The following CACNA1S variants were observed in gnomAD, a reference collection of about 807,000 sequenced individuals.
CACNA1S encodes the protein calcium voltage-gated channel subunit alpha1 S, also known as voltage-dependent L-type calcium channel subunit alpha-1S.
Under a neutral mutation model 207.4 loss-of-function variants are expected in CACNA1S, and 126 were observed. The observed-to-expected ratio is 0.61, with a 90% confidence interval of 0.53 to 0.70. CACNA1S has a LOEUF of 0.70. CACNA1S is among the 30% of genes least tolerant of loss of function. CACNA1S has a pLI of 0.00. For missense variants in CACNA1S, 2,349 were observed against 2,422.8 expected, an observed-to-expected ratio of 0.97 and a Z score of 0.64; for synonymous variants, 960 against 932.7, an observed-to-expected ratio of 1.03 and a Z score of -0.53.
intron 2 of CACNA1S, among the ~76,000 whole-genome samples, chr1:201,100,542 G>A (rs968933650): frequency 6.6e-6 from 1 of 152,166 alleles, no homozygotes; most frequent in East Asian, 1.9e-4. Flanking sequence ...TCTGTCTCAG[G>A]GGTCTCATTT....
intron 2 of CACNA1S, among the ~76,000 whole-genome samples, chr1:201,101,053 T>G (rs901420781): frequency 6.6e-6 from 1 of 152,066 alleles, no homozygotes; most frequent in Non-Finnish European, 1.5e-5. Flanking sequence ...TTTCTTTATT[T>G]TAATGTCCTT....
chr1:201,047,775 A>C, intron 36 of CACNA1S, 149 bp from the exon 37 acceptor site: 1 of 708,426 alleles, frequency 1.4e-6, no homozygotes, highest in South Asian at 1.5e-5. Flanking sequence ...GGGTACTGGC[A>C]ATGGTGGGAG....
intron 38 of CACNA1S, among the ~76,000 whole-genome samples, chr1:201,045,383 TA>T (rs1203631597): frequency 3.3e-5 from 5 of 152,146 alleles, no homozygotes; most frequent in African/African-American, 1.2e-4. Flanking sequence ...CCTTTTGCTA[TA>T]AAGGACATTT....
At chr1:201,111,090 G>A (rs192163097) in intron 1 of CACNA1S, among the ~76,000 whole-genome samples, 25 of 152,304 alleles carry the variant, frequency 1.6e-4, no homozygotes, top group African/African-American at 5.5e-4. Context: ...GGATGGAGGA[G>A]AGGGAGAACC....
chr1:201,054,626 G>A, intron 28 of CACNA1S, 65 bp from the exon 29 acceptor site: 2 of 1,388,578 alleles, frequency 1.4e-6, no homozygotes, highest in Admixed American at 1.9e-5. Context: ...CATGTGGGAG[G>A]GAGGTGAAGA....
In CACNA1S at chr1:201,041,531, C is replaced by T. The variant is rs750693824; in HGVS notation, c.5107G>A (p.Ala1703Thr). Residue 1703 changes from alanine (A) to threonine (T), a missense_variant, in exon 41 of 44, where the codon GCC (alanine) becomes ACC (threonine). By Grantham distance (58) the Ala-to-Thr change is moderately conservative. Coordinates refer to ENST00000362061, the MANE Select transcript of CACNA1S (RefSeq NM_000069.3). ...ETETPATRGRALGQPCRVLGP... is the reference protein window; with the variant it reads ...ETETPATRGRTLGQPCRVLGP... ...AGGACCCTGCAGGGTTGGCCAAGGGCTCGTCCTCTGGTAGCAGGCGTCTCT... is the reference window on the plus strand; with the variant it reads ...AGGACCCTGCAGGGTTGGCCAAGGGTTCGTCCTCTGGTAGCAGGCGTCTCT... 1 of 1,614,156 alleles carries T rather than the reference C, an allele frequency of 6.2e-7. No individual in the cohort carries two copies. The highest frequency in any genetic ancestry group is 8.5e-7 in the Non-Finnish European group (1 of 1,179,968).
Position 201,047,325 on chromosome 1 carries a change from C to T in CACNA1S, c.4544-86G>A, listed in dbSNP as rs958386001. 15 of 1,569,376 alleles carry T rather than the reference C, an allele frequency of 9.6e-6. No individual in the cohort carries two copies. In the Admixed American group the frequency reaches 1.0e-4, roughly 11 times the overall value. ...AGTGGGAGCCAGCTGTAGCCAGGCCCGGGCATGCAAGCAATCCTTTGTCTT... is the reference window on the plus strand; with the variant it reads ...AGTGGGAGCCAGCTGTAGCCAGGCCTGGGCATGCAAGCAATCCTTTGTCTT... On this transcript the variant is annotated intron_variant, in intron 37 of 43. Coordinates refer to ENST00000362061, the MANE Select transcript of CACNA1S (RefSeq NM_000069.3).
At position 201,074,548 on chromosome 1, in the gene CACNA1S, T is replaced by A. The variant is rs1180616707; in HGVS notation, c.2021A>T (p.Gln674Leu). 6.2e-7 allele frequency: 1 copy of A among 1,614,052 alleles called. No individual in the cohort carries two copies. Among genetic ancestry groups the A allele is most frequent in the South Asian group, 1.1e-5 (1 of 91,034 alleles). The change falls in exon 14 of 44, where the codon CAG (glutamine) becomes CTG (leucine). Residue 674 changes from glutamine (Q) to leucine (L), a missense_variant. Physicochemically the swap from Gln to Leu is moderately radical, Grantham distance 113. Transcript: ENST00000362061. ...LAEAESLTSA[Q>L]KAKAEEKKRR... The stretch of plus-strand genomic sequence containing the variant: ...TTTTTTCTCCTCAGCCTTGGCCTTC[T>A]GGGCAGAAGTCAGGCTCTCCGCCTC...
At position 201,073,597 on chromosome 1, in the gene CACNA1S, C is replaced by T. The variant is rs1367768761; in HGVS notation, c.2109G>A (p.Lys703=). 6.2e-7 allele frequency: 1 copy of T among 1,614,246 alleles called. No individual in the cohort carries two copies. Among genetic ancestry groups the T allele is most frequent in the East Asian group, 2.2e-5 (1 of 44,882 alleles). ...KSEEEKSTMA[K]KLEQKPKGEG... ...CACCCTTGGGTTTCTGCTCCAGCTT[C>T]TTGGCCATCGTTGACTTCTCCTCTT... The change falls in exon 15 of 44, where the codon AAG becomes AAA. Residue 703 remains lysine (K), a synonymous_variant. Coordinates refer to ENST00000362061, the MANE Select transcript of CACNA1S (RefSeq NM_000069.3).
rs1263475608 is a variant in CACNA1S, at chr1:201,053,094, G to A, written c.3861+115C>T. On this transcript the variant is annotated intron_variant, in intron 31 of 43. Transcript: ENST00000362061. The surrounding 1 kb of genome is among the most constrained non-coding windows in gnomAD (Gnocchi z 5.1). ...GTCCCTCCTTCTTTCTCACGAGCAA[G>A]GCAGGGAGGGCGGAGGGTCCAGCCC... 1.7e-6 allele frequency: 2 copies of A among 1,180,282 alleles called. No homozygotes were observed. The highest frequency in any genetic ancestry group is 3.4e-5 in the Admixed American group (2 of 59,276). 73.1% of individuals were successfully genotyped at this position (1,180,282 alleles called of 1,614,324 possible). A position where few individuals can be genotyped will look rare whatever the true frequency, so the allele number is the denominator to read the frequency against.
At chr1:201,094,829 C>T (rs1050188972) in intron 2 of CACNA1S, among the ~76,000 whole-genome samples, 5 of 152,046 alleles carry the variant, frequency 3.3e-5, no homozygotes, top group Non-Finnish European at 5.9e-5. Context: ...AAGGCCCGGC[C>T]GACACTCCAG....
At chr1:201,080,778 T>G (rs1661815837) in intron 10 of CACNA1S, among the ~76,000 whole-genome samples, 1 of 152,152 alleles carries the variant, frequency 6.6e-6, no homozygotes, top group South Asian at 2.1e-4. Context: ...AATTGTGATC[T>G]CATCTTCAGG....
intron 40 of CACNA1S, among the ~76,000 whole-genome samples, chr1:201,042,458 A>G (rs1247345831): frequency 6.6e-6 from 1 of 152,226 alleles, no homozygotes. Context: ...TTTGGTCCCA[A>G]TCATATCACA....
intron 2 of CACNA1S, among the ~76,000 whole-genome samples, chr1:201,103,411 T>A (rs1254792610): frequency 1.3e-5 from 2 of 152,026 alleles, no homozygotes; most frequent in East Asian, 3.9e-4. Context: ...TAGCAAAGCT[T>A]GGGCAAAGGC....
chr1:201,083,430 T>G, intron 9 of CACNA1S, 108 bp from the exon 10 acceptor site: 1 of 1,114,776 alleles, frequency 9.0e-7, no homozygotes, highest in Non-Finnish European at 1.4e-6. Flanking sequence ...ACCACCCCAC[T>G]TCCGCCAGCC....
chr1:201,047,885 G>A (rs1436514555), intron 36 of CACNA1S, among the ~76,000 whole-genome samples: 1 of 152,254 alleles, frequency 6.6e-6, no homozygotes, highest in Non-Finnish European at 1.5e-5. Context: ...TTTACAGGCT[G>A]TCATCTCCTG....
In CACNA1S at chr1:201,083,187, C is replaced by T. The variant is rs767568799; in HGVS notation, c.1368G>A (p.Gln456=). 3.7e-6 allele frequency: 6 copies of T among 1,614,168 alleles called. No homozygotes were observed. The highest frequency in any genetic ancestry group is 5.1e-6 in the Non-Finnish European group (6 of 1,180,042). ...TLSIASEHHN[Q]PLWLTRLQDI... ...CTTGCAAACGGGTCAGCCAGAGAGGCTGGTTGTGGTGCTCTGAGGCGATAG... is the reference window on the plus strand; with the variant it reads ...CTTGCAAACGGGTCAGCCAGAGAGGTTGGTTGTGGTGCTCTGAGGCGATAG... The change falls in exon 10 of 44, where the codon CAG becomes CAA. Residue 456 remains glutamine (Q), a synonymous_variant. Transcript: ENST00000362061.
intron 27 of CACNA1S, 84 bp downstream of exon 27, chr1:201,059,105 T>C (rs758657354): frequency 1.9e-5 from 16 of 862,590 alleles, no homozygotes; most frequent in African/African-American, 3.3e-5. Flanking sequence ...CCTGATAGGA[T>C]GAGGGATGGG....
intron 27 of CACNA1S, 24 bp downstream of exon 27, chr1:201,059,165 T>TG: frequency 6.8e-7 from 1 of 1,479,722 alleles, no homozygotes; most frequent in Non-Finnish European, 9.5e-7. Context: ...GCTTCTCATC[T>TG]GGCCCGGTGG....
Sources: gnomAD v4.1 joint callset for allele counts (sites outside exome capture counted in the v4.1 genomes callset) on GRCh38, gnomAD v4.1.1 for gene constraint, Gnocchi (gnomAD v3.1) non-coding constraint, MANE v1.5 for transcripts, NCBI Gene and HGNC (gene_info 2026-07-23, HGNC 2026-07-21) for gene names.